Variants in ZNF215 observed in about 807,000 individuals in gnomAD.
ZNF215 encodes BWSCR2-associated zinc finger protein 2.
ZNF215 carries 24 observed loss-of-function variants against 27.2 expected under a neutral mutation model. That is an observed-to-expected ratio of 0.88 (90% CI 0.64 to 1.24). ZNF215 has a LOEUF of 1.24. Among genes scored for constraint, ZNF215 ranks in the 50% most tolerant of loss-of-function variants. The probability of loss-of-function intolerance (pLI) is 0.00; values close to 1 mark genes in which losing one functional copy is unlikely to be tolerated. For synonymous variants in ZNF215, 210 were observed against 204.0 expected, an observed-to-expected ratio of 1.03 and a Z score of -0.25; for missense variants, 675 against 605.7, an observed-to-expected ratio of 1.11 and a Z score of -1.20.
rs1849283335 is a variant in ZNF215, at chr11:6,932,125, C to G, written c.-148C>G. The stretch of plus-strand genomic sequence containing the variant: ...AGGTACCTGAATATTGGCTTTGTGT[C>G]TAAAGTTTCTGGAACTTTCCTCCTT... On this transcript the variant is annotated 5_prime_UTR_variant, in exon 3 of 7. Coordinates refer to ENST00000278319, the MANE Select transcript of ZNF215 (RefSeq NM_013250.4). The G allele has an allele frequency of 2.0e-6, 2 of 978,244 alleles. No individual in the cohort carries two copies. Among genetic ancestry groups the G allele is most frequent in the Non-Finnish European group, 2.9e-6 (2 of 683,466 alleles). 60.6% of individuals were successfully genotyped at this position (978,244 alleles called of 1,614,324 possible). A position where few individuals can be genotyped will look rare whatever the true frequency, so the allele number is the denominator to read the frequency against.
At chr11:6,954,825 G>A (rs146959523) in intron 6 of ZNF215, among the ~76,000 whole-genome samples, 251 of 152,280 alleles carry the variant, frequency 1.6e-3, no homozygotes, top group African/African-American at 4.7e-3. Context: ...CGTCTTCTGC[G>A]TCACTCACGC....
intron 6 of ZNF215, among the ~76,000 whole-genome samples, chr11:6,952,482 T>G (rs1038273894): frequency 5.3e-5 from 8 of 152,154 alleles, no homozygotes; most frequent in African/African-American, 1.9e-4. Context: ...CTTTTACCAT[T>G]ATGTAATGGC....
At chr11:6,964,613 T>G (rs1475716175) in intron 5 of ZNF215, among the ~76,000 whole-genome samples, 1 of 151,992 alleles carries the variant, frequency 6.6e-6, no homozygotes, top group Admixed American at 6.6e-5. Context: ...GCCTATCCTT[T>G]CAGTAGTACA....
chr11:6,981,189 A>T (rs1240984666), intron 5 of ZNF215, among the ~76,000 whole-genome samples: 3 of 150,138 alleles, frequency 2.0e-5, no homozygotes, highest in Admixed American at 6.7e-5. Flanking sequence ...CACCACACTG[A>T]CTTCCACAAT....
At chr11:6,959,018 A>T (rs145473466), downstream of ZNF215, among the ~76,000 whole-genome samples, 38 of 152,262 alleles carry the variant, frequency 2.5e-4, no homozygotes, top group East Asian at 6.2e-3. Flanking sequence ...TCCTTTGGCA[A>T]CACCCTCACA....
intron 4 of ZNF215, 101 bp downstream of exon 4, chr11:6,941,754 T>C: frequency 8.2e-7 from 1 of 1,225,894 alleles, no homozygotes; most frequent in South Asian, 1.4e-5. Context: ...CATGGTTCCA[T>C]CCAAGAACAT....
At chr11:6,941,388 A>G (rs1849625704) in intron 3 of ZNF215, among the ~76,000 whole-genome samples, 183 bp from the exon 4 acceptor site, 1 of 152,242 alleles carries the variant, frequency 6.6e-6, no homozygotes, top group African/African-American at 2.4e-5. Flanking sequence ...CATTTAAAAT[A>G]TTTTAAAAAT....
chr11:6,936,520 C>T (rs1193344468), intron 3 of ZNF215, among the ~76,000 whole-genome samples: 1 of 152,010 alleles, frequency 6.6e-6, no homozygotes, highest in Non-Finnish European at 1.5e-5. Context: ...AAAGAAAACT[C>T]AAAGATGATA....
chr11:6,955,078 C>G (rs1015869439), intron 6 of ZNF215, among the ~76,000 whole-genome samples: 47 of 152,036 alleles, frequency 3.1e-4, no homozygotes, highest in Non-Finnish European at 6.3e-4. Context: ...TAGAAAAGTA[C>G]CAAAGCACTA....
chr11:6,970,335 A>G (rs1850696722), intron 5 of ZNF215, among the ~76,000 whole-genome samples: 1 of 152,216 alleles, frequency 6.6e-6, no homozygotes, highest in South Asian at 2.1e-4. Flanking sequence ...CTTAAGAGGC[A>G]TATTAACCAA....
chr11:6,979,246 A>C (rs1334455941), intron 5 of ZNF215, among the ~76,000 whole-genome samples: 2 of 151,990 alleles, frequency 1.3e-5, no homozygotes, highest in Non-Finnish European at 2.9e-5. Context: ...CAAGAATATC[A>C]GGGACAATGT....
At chr11:6,982,274 A>C (rs1427527334) in intron 5 of ZNF215, among the ~76,000 whole-genome samples, 2 of 152,028 alleles carry the variant, frequency 1.3e-5, no homozygotes, top group African/African-American at 4.8e-5. Context: ...TGAGTGACCT[A>C]CAAAGAGACT....
chr11:6,991,869 T>C (rs770854288), downstream of ZNF215, among the ~76,000 whole-genome samples: 1 of 152,212 alleles, frequency 6.6e-6, no homozygotes, highest in Non-Finnish European at 1.5e-5. Flanking sequence ...CTACAACTAG[T>C]TACCTGTCAA....
At chr11:6,951,772 C>G (rs1349989578) in intron 6 of ZNF215, among the ~76,000 whole-genome samples, 6 of 152,204 alleles carry the variant, frequency 3.9e-5, no homozygotes, top group Admixed American at 3.9e-4. Flanking sequence ...TTGCCTTCTG[C>G]TAGCTTTTGA....
chr11:6,956,365 A>C lies in ZNF215; in HGVS notation c.1388A>C (p.Gln463Pro), dbSNP rs1564965813. Reference protein sequence around the residue: ...PTLHFGNNFYQCVNCGKSFNR... With the variant: ...PTLHFGNNFYPCVNCGKSFNR... ...CTCCATTTTGGAAACAATTTCTATC[A>C]ATGTGTTAACTGTGGAAAATCCTTC... is the stretch of plus-strand genomic sequence containing the variant. Residue 463 changes from glutamine (Q) to proline (P), a missense_variant, in exon 7 of 7, where the codon CAA (glutamine) becomes CCA (proline). Physicochemically the swap from Gln to Pro is moderately conservative, Grantham distance 76. Transcript: ENST00000278319. The C allele has an allele frequency of 6.2e-7, 1 of 1,614,182 alleles. No individual in the cohort carries two copies. The highest frequency in any genetic ancestry group is 8.5e-7 in the Non-Finnish European group (1 of 1,180,020).
intron 3 of ZNF215, among the ~76,000 whole-genome samples, chr11:6,936,575 C>G (rs1849443692): frequency 6.6e-6 from 1 of 151,940 alleles, no homozygotes; most frequent in Non-Finnish European, 1.5e-5. Context: ...AAATTAACAC[C>G]AGTATTCTCA....
downstream of ZNF215, among the ~76,000 whole-genome samples, chr11:6,985,548 A>G (rs1422199117): frequency 6.6e-6 from 1 of 152,196 alleles, no homozygotes; most frequent in African/African-American, 2.4e-5. Context: ...AGCTGAAACA[A>G]TCAGGTAAGA....
chr11:6,945,736 C>G (rs1849793353), intron 6 of ZNF215, among the ~76,000 whole-genome samples: 1 of 152,194 alleles, frequency 6.6e-6, no homozygotes, highest in African/African-American at 2.4e-5. Context: ...CTCTAGCTAT[C>G]TGATAAATTT....
In ZNF215 at chr11:6,932,503, G is replaced by A. The variant is rs1849299826; in HGVS notation, c.231G>A (p.Leu77=). The A allele has an allele frequency of 6.2e-7, 1 of 1,614,160 alleles. No homozygotes were observed. The highest frequency in any genetic ancestry group is 1.7e-5 in the Admixed American group (1 of 60,018). Residue 77 remains leucine, a synonymous_variant, in exon 3 of 7, where the codon CTG becomes CTA. Coordinates refer to ENST00000278319, the MANE Select transcript of ZNF215 (RefSeq NM_013250.4). The part of the protein sequence containing the change: ...SQLWELCLQW[L]RPEIHTKKQI... ...TCTGGGAGCTCTGTCTTCAATGGCT[G>A]AGACCAGAGATTCATACAAAGAAGC...
Sources: allele counts gnomAD v4.1 joint callset (sites outside exome capture counted in the v4.1 genomes callset), GRCh38; gene constraint gnomAD v4.1.1; transcripts MANE v1.5; gene names NCBI Gene and HGNC (gene_info 2026-07-23, HGNC 2026-07-21).